The following LANCL1 variants were observed in gnomAD, a reference collection of about 807,000 sequenced individuals.
The protein encoded by LANCL1 is LanC like glutathione S-transferase 1.
LANCL1 carries 50 observed loss-of-function variants against 50.6 expected under a neutral mutation model. That is an observed-to-expected ratio of 0.99 (90% CI 0.79 to 1.25). The LOEUF (loss-of-function observed/expected upper bound fraction) is 1.25, where lower values mean the gene tolerates loss of function less well. LANCL1 is among the 50% of genes most tolerant of loss of function. The probability of loss-of-function intolerance (pLI) is 0.00; values close to 1 mark genes in which losing one functional copy is unlikely to be tolerated. For missense variants in LANCL1, 532 were observed against 480.7 expected, an observed-to-expected ratio of 1.11 and a Z score of -1.00; for synonymous variants, 188 against 178.6, an observed-to-expected ratio of 1.05 and a Z score of -0.42.
Position 210,455,329 on chromosome 2 carries a change from A to AAAAG in LANCL1, c.200-16_200-15insCTTT. ...CACAGCAATACCTGAAAAAAAAAAAAGGAAACAATGTAAAGATGAGGAAAG... is the reference window on the plus strand; with the variant it reads ...CACAGCAATACCTGAAAAAAAAAAAAAAAGGGAAACAATGTAAAGATGAGGAAAG... On this transcript the variant is annotated splice_polypyrimidine_tract_variant and intron_variant, in intron 3 of 9. Transcript: ENST00000450366. 6.3e-7 allele frequency: 1 copy of AAAAG among 1,587,960 alleles called. No homozygotes were observed. Among genetic ancestry groups the AAAAG allele is most frequent in the Non-Finnish European group, 8.6e-7 (1 of 1,166,610 alleles).
chr2:210,446,564 A>G (rs1003866695), intron 4 of LANCL1, among the ~76,000 whole-genome samples: 5 of 152,102 alleles, frequency 3.3e-5, no homozygotes, highest in African/African-American at 1.2e-4. Flanking sequence ...CCCCTGAGCT[A>G]AAGGAGCATG....
Position 210,465,860 on chromosome 2 carries a change from G to A in LANCL1, c.199+6099C>T, listed in dbSNP as rs180684837. On this transcript the variant is annotated intron_variant, in intron 3 of 9. Coordinates refer to ENST00000450366, the MANE Select transcript of LANCL1 (RefSeq NM_006055.3). Reference sequence around the variant, plus strand: ...AAGGTTTTGAACCCTATTCTGGGGGGGGAAAAGCCACAAAGGACATGCATT... The same window carrying A: ...AAGGTTTTGAACCCTATTCTGGGGGAGGAAAAGCCACAAAGGACATGCATT... 3.9e-4 allele frequency among the ~76,000 whole-genome samples: 59 copies of A among 152,292 alleles called. 1 individual carries two copies. Among genetic ancestry groups the A allele is most frequent in the Middle Eastern group, 3.4e-3 (1 of 294 alleles).
intron 8 of LANCL1, among the ~76,000 whole-genome samples, chr2:210,435,893 CTTTTTT>C (rs71043994): frequency 1.6e-5 from 1 of 64,228 alleles, no homozygotes; most frequent in East Asian, 6.0e-4. Context: ...GGGAGACCTG[CTTTTTT>C]TTTTTTTTTT....
At chr2:210,446,761 T>C (rs563640830) in intron 4 of LANCL1, among the ~76,000 whole-genome samples, 5 of 151,672 alleles carry the variant, frequency 3.3e-5, no homozygotes, top group Non-Finnish European at 5.9e-5. Flanking sequence ...ATATCAGAGA[T>C]TGAAGATCAA....
chr2:210,473,791 G>A (rs1245724847), intron 2 of LANCL1, among the ~76,000 whole-genome samples: 1 of 152,152 alleles, frequency 6.6e-6, no homozygotes, highest in Admixed American at 6.5e-5. Context: ...TAGAAGAAAC[G>A]ACGTTGTTTG....
intron 3 of LANCL1, among the ~76,000 whole-genome samples, chr2:210,458,884 G>C (rs1052062241): frequency 5.3e-5 from 8 of 150,120 alleles, no homozygotes; most frequent in African/African-American, 1.9e-4. Context: ...GACAAAGAAT[G>C]ATGTAGGCAG....
In LANCL1 at chr2:210,476,343, G is replaced by T. The variant is rs747401652; in HGVS notation, c.54C>A (p.Ala18=). ...NPYADYNKSL[A]EGYFDAAGRL... is the part of the protein sequence containing the mutation. ...TCCCGGCAGCATCAAAGTAGCCTTC[G>T]GCCAGGGATTTGTTATAATCAGCAT... Residue 18 remains alanine, a synonymous_variant, in exon 2 of 10, where the codon GCC becomes GCA. Coordinates refer to ENST00000450366, the MANE Select transcript of LANCL1 (RefSeq NM_006055.3). 3 of 1,613,970 alleles carry T rather than the reference G, an allele frequency of 1.9e-6. No homozygotes were observed. In the Admixed American group the frequency reaches 5.0e-5, roughly 27 times the overall value.
chr2:210,466,747 G>A (rs369996624), intron 3 of LANCL1, among the ~76,000 whole-genome samples: 96 of 152,180 alleles, frequency 6.3e-4, no homozygotes, highest in African/African-American at 2.3e-3. Flanking sequence ...ACCCTTTCAC[G>A]GAACAAACCA....
chr2:210,435,487 A>G (rs762155793), intron 8 of LANCL1, 28 bp from the exon 9 acceptor site: 1 of 1,583,594 alleles, frequency 6.3e-7, no homozygotes, highest in East Asian at 2.2e-5. Context: ...TTAAATTAGT[A>G]TAGTGATTTC....
intron 6 of LANCL1, among the ~76,000 whole-genome samples, chr2:210,438,830 A>G (rs1386417850): frequency 2.0e-5 from 3 of 152,220 alleles, no homozygotes; most frequent in East Asian, 1.9e-4. Context: ...TTTGATACAC[A>G]TTTTAGTTTC....
In LANCL1 at chr2:210,448,620, G is replaced by T. The variant is rs537840519; in HGVS notation, c.407+6487C>A. ...ATAGACCACTAGCCAGACTAATAAA[G>T]AAGAAAAGAGAGAAGAATCAAATAG... is the stretch of plus-strand genomic sequence containing the variant. On this transcript the variant is annotated intron_variant, in intron 4 of 9. Coordinates refer to ENST00000450366, the MANE Select transcript of LANCL1 (RefSeq NM_006055.3). Among the ~76,000 whole-genome samples the T allele has an allele frequency of 1.7e-4, 26 of 152,106 alleles. 1 individual carries two copies. The East Asian group carries it at 3.3e-3, about 19-fold the overall frequency.
chr2:210,447,499 TAAC>T (rs1345892031), intron 4 of LANCL1, among the ~76,000 whole-genome samples: 1 of 152,112 alleles, frequency 6.6e-6, no homozygotes, highest in Non-Finnish European at 1.5e-5. Flanking sequence ...AATTCACACA[TAAC>T]AATATTAACC....
At chr2:210,463,970 T>A (rs1693958079) in intron 3 of LANCL1, among the ~76,000 whole-genome samples, 1 of 152,224 alleles carries the variant, frequency 6.6e-6, no homozygotes, top group South Asian at 2.1e-4. Flanking sequence ...TGTTAACCAA[T>A]CTCTTCACTA....
At chr2:210,461,459 G>A (rs1283621162) in intron 3 of LANCL1, among the ~76,000 whole-genome samples, 1 of 152,092 alleles carries the variant, frequency 6.6e-6, no homozygotes, top group South Asian at 2.1e-4. Context: ...CTCCTTTCAA[G>A]TAAGTCTGGT....
chr2:210,442,931 C>T (rs919528118), intron 4 of LANCL1, among the ~76,000 whole-genome samples: 1 of 152,190 alleles, frequency 6.6e-6, no homozygotes, highest in Non-Finnish European at 1.5e-5. Flanking sequence ...ATGCTGGGAG[C>T]AGGTGCGAAG....
chr2:210,468,949 A>T (rs1694148976), intron 3 of LANCL1: 1 of 152,210 alleles, frequency 6.6e-6, no homozygotes, highest in African/African-American at 2.4e-5. Flanking sequence ...TCCTGATCCT[A>T]TCTAACCAGT....
rs1376834701 is a variant in LANCL1, at chr2:210,431,433, A to G, written c.*3054T>C. 1.3e-5 allele frequency: 2 copies of G among 152,212 alleles called. 1 individual carries two copies. Among genetic ancestry groups the G allele is most frequent in the East Asian group, 3.8e-4 (2 of 5,206 alleles). The allele number at this position is 152,212 out of a possible 1,614,324, so 9.4% of individuals were successfully genotyped here. On this transcript the variant is annotated 3_prime_UTR_variant, in exon 10 of 10. Coordinates refer to ENST00000450366, the MANE Select transcript of LANCL1 (RefSeq NM_006055.3). ...GTTCGTCTACAGCTCAATAGTAGAG[A>G]AAACACAGGAATGAGGTGCTCTTAC...
At position 210,437,782 on chromosome 2, in the gene LANCL1, A is replaced by G; in HGVS notation, c.781T>C (p.Tyr261His). 1 of 1,613,556 alleles carries G rather than the reference A, an allele frequency of 6.2e-7. No individual in the cohort carries two copies. ...CGATTATCACCTATACATGGAGGGT[A>G]ATTGCCAGAAGGGAATTTCAGCTGG... The part of the protein sequence containing the change: ...VCQLKFPSGN[Y>H]PPCIGDNRDL... Residue 261 changes from tyrosine (Y) to histidine (H), a missense_variant, in exon 7 of 10, where the codon TAC becomes CAC. Coordinates refer to ENST00000450366, the MANE Select transcript of LANCL1 (RefSeq NM_006055.3).
At chr2:210,448,703 A>G (rs189276643) in intron 4 of LANCL1, among the ~76,000 whole-genome samples, 1 of 152,346 alleles carries the variant, frequency 6.6e-6, no homozygotes, top group African/African-American at 2.4e-5. Flanking sequence ...AATACAAACT[A>G]CCATCAGAGA....
Sources: gnomAD v4.1 joint callset for allele counts (sites outside exome capture counted in the v4.1 genomes callset) on GRCh38, gnomAD v4.1.1 for gene constraint, MANE v1.5 for transcripts, NCBI Gene and HGNC (gene_info 2026-07-23, HGNC 2026-07-21) for gene names.